Variants in SRGAP1 observed in about 807,000 individuals in gnomAD.
SRGAP1 encodes SLIT-ROBO Rho GTPase activating protein 1.
In SRGAP1, 43 loss-of-function variants were observed where a neutral mutation model predicts 121.9. That is an observed-to-expected ratio of 0.35 (90% CI 0.28 to 0.46). The LOEUF is 0.46. Among genes scored for constraint, SRGAP1 ranks in the 20% least tolerant of loss-of-function variants. The pLI is 1.00. For synonymous variants in SRGAP1, 447 were observed against 485.4 expected, an observed-to-expected ratio of 0.92 and a Z score of 1.04; for missense variants, 1,102 against 1,350.9, an observed-to-expected ratio of 0.82 and a Z score of 2.89.
intron 1 of SRGAP1, among the ~76,000 whole-genome samples, chr12:63,870,664 T>A (rs1245826099): frequency 6.6e-6 from 1 of 151,680 alleles, no homozygotes; most frequent in East Asian, 1.9e-4. Flanking sequence ...GTCAACCTCC[T>A]GAGTAGCTGG....
chr12:63,963,657 T>A (rs1434042002), intron 1 of SRGAP1, among the ~76,000 whole-genome samples: 1 of 152,172 alleles, frequency 6.6e-6, no homozygotes, highest in Non-Finnish European at 1.5e-5. Context: ...CTAATTGTAA[T>A]TTTTTACCCA....
Position 64,052,552 on chromosome 12 carries a change from T to C in SRGAP1, c.801+8977T>C, listed in dbSNP as rs112435148. On this transcript the variant is annotated intron_variant, in intron 6 of 21. Transcript: ENST00000355086. ...CCTAGGCGACAAGAAGAAAAGTCAG[T>C]CTCAAAAAAAAAAACAAAATAAACG... Among the ~76,000 whole-genome samples, 1,287 of 150,422 alleles carry C rather than the reference T, an allele frequency of 8.6e-3. 17 individuals are homozygous for C. Among genetic ancestry groups the C allele is most frequent in the African/African-American group, 0.03 (1,208 of 40,932 alleles).
intron 18 of SRGAP1, among the ~76,000 whole-genome samples, chr12:64,117,697 C>T (rs1237778132): frequency 6.6e-6 from 1 of 152,144 alleles, no homozygotes; most frequent in Non-Finnish European, 1.5e-5. Flanking sequence ...CAGCAGATCT[C>T]TAGAGCTTGT....
At chr12:63,912,844 A>G (rs2030565629) in intron 1 of SRGAP1, among the ~76,000 whole-genome samples, 1 of 152,188 alleles carries the variant, frequency 6.6e-6, no homozygotes, top group Non-Finnish European at 1.5e-5. Flanking sequence ...GGCCTGCAAC[A>G]CTAGCTGGAA....
chr12:64,078,822 C>A, intron 8 of SRGAP1, 97 bp from the exon 9 acceptor site: 2 of 1,277,860 alleles, frequency 1.6e-6, no homozygotes, highest in African/African-American at 1.5e-5. Context: ...CGGGGGCAGG[C>A]CCTGTGTCCT....
In SRGAP1 at chr12:64,147,264, C is replaced by T; in HGVS notation, c.*4592C>T. 2.6e-6 allele frequency: 1 copy of T among 385,788 alleles called. No homozygotes were observed. Among genetic ancestry groups the T allele is most frequent in the Non-Finnish European group, 4.6e-6 (1 of 218,310 alleles). 23.9% of individuals were successfully genotyped at this position (385,788 alleles called of 1,614,324 possible). A position where few individuals can be genotyped will look rare whatever the true frequency, so the allele number is the denominator to read the frequency against. On this transcript the variant is annotated 3_prime_UTR_variant, in exon 22 of 22. Coordinates refer to ENST00000355086, the MANE Select transcript of SRGAP1 (RefSeq NM_020762.4). Reference sequence around the variant, plus strand: ...GCTTGTGACTGTTACCTAATTGTGTCAATGTACATCTGTAGTATGTACATG... The same window carrying T: ...GCTTGTGACTGTTACCTAATTGTGTTAATGTACATCTGTAGTATGTACATG...
intron 1 of SRGAP1, among the ~76,000 whole-genome samples, chr12:63,929,793 A>C (rs998182160): frequency 1.8e-4 from 28 of 152,284 alleles, no homozygotes; most frequent in African/African-American, 6.7e-4. Context: ...GTAGTTAGCT[A>C]AACTATAATT....
chr12:63,969,880 C>T (rs971113957), intron 1 of SRGAP1, among the ~76,000 whole-genome samples: 1 of 152,026 alleles, frequency 6.6e-6, no homozygotes, highest in Non-Finnish European at 1.5e-5. Context: ...CCACTAGAGC[C>T]CATGTTTCCA....
chr12:63,936,465 A>C (rs1358503226), intron 1 of SRGAP1, among the ~76,000 whole-genome samples: 1 of 152,168 alleles, frequency 6.6e-6, no homozygotes, highest in African/African-American at 2.4e-5. Flanking sequence ...GCAAGGGGAC[A>C]TGTGCTCAGG....
At chr12:64,009,972 G>A (rs750194250) in intron 3 of SRGAP1, among the ~76,000 whole-genome samples, 2 of 152,116 alleles carry the variant, frequency 1.3e-5, no homozygotes, top group African/African-American at 2.4e-5. Flanking sequence ...TTTAGAAGAC[G>A]CTGTTGCCTG....
intron 4 of SRGAP1, chr12:64,032,407 C>A: frequency 1.7e-6 from 1 of 585,156 alleles, no homozygotes; most frequent in Non-Finnish European, 3.2e-6. Flanking sequence ...AAAACTCTGC[C>A]TCATCAGTCA....
intron 1 of SRGAP1, among the ~76,000 whole-genome samples, chr12:63,870,074 C>T (rs1000529664): frequency 2.0e-5 from 3 of 152,164 alleles, no homozygotes; most frequent in Non-Finnish European, 4.4e-5. Flanking sequence ...GCTTACATTG[C>T]ATGTTATTCA....
intron 1 of SRGAP1, among the ~76,000 whole-genome samples, chr12:63,928,714 A>C (rs1331975078): frequency 1.3e-5 from 2 of 151,704 alleles, no homozygotes; most frequent in Non-Finnish European, 2.9e-5. Flanking sequence ...TAGTCAAATA[A>C]TTATACAACT....
At chr12:64,032,587 C>T in intron 4 of SRGAP1, 1 of 702,732 alleles carries the variant, frequency 1.4e-6, no homozygotes, top group South Asian at 1.9e-5. Context: ...GCACATAAGT[C>T]CTGCCCCCGA....
At chr12:63,934,496 G>T (rs1422644772) in intron 1 of SRGAP1, among the ~76,000 whole-genome samples, 1 of 152,144 alleles carries the variant, frequency 6.6e-6, no homozygotes, top group East Asian at 1.9e-4. Context: ...TGAACTCGTA[G>T]AACTCTTTAC....
chr12:64,134,762 A>G (rs557064950), intron 21 of SRGAP1, among the ~76,000 whole-genome samples: 12 of 152,280 alleles, frequency 7.9e-5, no homozygotes, highest in Admixed American at 2.6e-4. Context: ...ATCTGACTCT[A>G]TGTTCCATCT....
rs1048832430 is a variant in SRGAP1, at chr12:64,144,577, T to C, written c.*1905T>C. ...CCTAATTTCACAAATGAATAGTGAC[T>C]TTTTTCCCATGTATTTCTAGGTATG... On this transcript the variant is annotated 3_prime_UTR_variant, in exon 22 of 22. Transcript: ENST00000355086. 29 of 152,292 alleles carry C rather than the reference T, an allele frequency of 1.9e-4. No individual in the cohort carries two copies. Among genetic ancestry groups the C allele is most frequent in the African/African-American group, 6.7e-4 (28 of 41,552 alleles). 9.4% of individuals were successfully genotyped at this position (152,292 alleles called of 1,614,324 possible).
chr12:64,012,549 A>ATGTTTTTTTTT (rs1428356285), intron 3 of SRGAP1, among the ~76,000 whole-genome samples: 1 of 98,688 alleles, frequency 1.0e-5, no homozygotes, highest in Non-Finnish European at 2.0e-5. Context: ...TTAAGTTATT[A>ATGTTTTTTTTT]TCTTTTTTTT....
chr12:64,067,063 C>T (rs898988431), intron 8 of SRGAP1, among the ~76,000 whole-genome samples: 2 of 152,082 alleles, frequency 1.3e-5, no homozygotes, highest in Non-Finnish European at 2.9e-5. Context: ...CACTCTGGCC[C>T]TGCACTGCCT....
Sources: allele counts gnomAD v4.1 joint callset (sites outside exome capture counted in the v4.1 genomes callset), GRCh38; gene constraint gnomAD v4.1.1; transcripts MANE v1.5; gene names NCBI Gene and HGNC (gene_info 2026-07-23, HGNC 2026-07-21).